The following GRK4 variants were observed in gnomAD, a reference collection of about 807,000 sequenced individuals.
GRK4 encodes the protein G protein-coupled receptor kinase 4.
A neutral mutation model predicts 77.9 loss-of-function variants in GRK4; 73 were observed. That is an observed-to-expected ratio of 0.94 (90% CI 0.78 to 1.14). The LOEUF (loss-of-function observed/expected upper bound fraction) is 1.14. GRK4 is among the 50% of genes most tolerant of loss of function. The pLI is 0.00. For missense variants in GRK4, 729 were observed against 700.2 expected, an observed-to-expected ratio of 1.04 and a Z score of -0.46; for synonymous variants, 257 against 254.4, an observed-to-expected ratio of 1.01 and a Z score of -0.10.
chr4:2,995,625 G>A (rs1484329292), intron 4 of GRK4, among the ~76,000 whole-genome samples: 1 of 150,994 alleles, frequency 6.6e-6, no homozygotes, highest in East Asian at 1.9e-4. Context: ...AGGTTGCAGT[G>A]AACCAAAATT....
intron 1 of GRK4, chr4:2,969,149 G>C (rs1425906091): frequency 6.6e-6 from 1 of 152,446 alleles, no homozygotes; most frequent in Non-Finnish European, 1.5e-5. Flanking sequence ...GGAGATCAGA[G>C]AGATGCTGAA....
In GRK4 at chr4:3,029,112, C is replaced by A. The variant is rs749257267; in HGVS notation, c.1061-89C>A. 8.1e-6 allele frequency: 8 copies of A among 988,584 alleles called. No homozygotes were observed. In the African/African-American group the frequency reaches 1.1e-4, roughly 14 times the overall value. The allele number at this position is 988,584 out of a possible 1,614,324, so 61.2% of individuals were successfully genotyped here. On this transcript the variant is annotated intron_variant, in intron 11 of 15. Coordinates refer to ENST00000398052, the MANE Select transcript of GRK4 (RefSeq NM_182982.3). ...TAAGGTTCGTCCATGTTGTCACACA[C>A]GTTGAATGTATACTGTGTTACTGGG...
chr4:3,019,593 A>G (rs761653747), intron 8 of GRK4, 48 bp from the exon 9 acceptor site: 4 of 1,455,498 alleles, frequency 2.7e-6, no homozygotes, highest in Non-Finnish European at 3.8e-6. Flanking sequence ...GAAATCACCA[A>G]TGAAAGAGCA....
intron 1 of GRK4, among the ~76,000 whole-genome samples, chr4:2,979,736 ATG>A (rs1722322875): frequency 6.6e-6 from 1 of 151,814 alleles, no homozygotes; most frequent in South Asian, 2.1e-4. Context: ...AAAAAAATCC[ATG>A]TGTGGTGGTG....
chr4:3,024,331 G>A (rs75559719), intron 10 of GRK4, among the ~76,000 whole-genome samples: 4,598 of 152,174 alleles, frequency 0.03, 89 homozygotes, highest in Middle Eastern at 0.041. Context: ...GTGCGATTGT[G>A]GCACAATTAC....
intron 1 of GRK4, among the ~76,000 whole-genome samples, chr4:2,976,251 T>A (rs753652394): frequency 1.3e-5 from 2 of 151,804 alleles, no homozygotes; most frequent in Non-Finnish European, 2.9e-5. Flanking sequence ...TTCCCTCTCT[T>A]TCACAGGCTC....
chr4:2,968,489 A>G (rs1718457175), intron 1 of GRK4, among the ~76,000 whole-genome samples: 1 of 152,192 alleles, frequency 6.6e-6, no homozygotes, highest in African/African-American at 2.4e-5. Flanking sequence ...GAATCAAAGT[A>G]AGAACCTAAC....
At chr4:3,031,787 G>T (rs1739255354) in intron 12 of GRK4, among the ~76,000 whole-genome samples, 1 of 152,136 alleles carries the variant, frequency 6.6e-6, no homozygotes, top group Admixed American at 6.5e-5. Flanking sequence ...GTGGCTGGGG[G>T]TCACTGGGGG....
Position 3,002,268 on chromosome 4 carries a change from A to G in GRK4, c.340-1963A>G, listed in dbSNP as rs114322414. Among the ~76,000 whole-genome samples the G allele has an allele frequency of 2.5e-3, 385 of 152,200 alleles. 4 individuals are homozygous for G. Among genetic ancestry groups the G allele is most frequent in the African/African-American group, 8.6e-3 (358 of 41,524 alleles). ...ACACCGGGAGACCGTGCAGTCACTCAAGAAAGTGGGGTAGCTCTATAGACG... is the reference window on the plus strand; with the variant it reads ...ACACCGGGAGACCGTGCAGTCACTCGAGAAAGTGGGGTAGCTCTATAGACG... On this transcript the variant is annotated intron_variant, in intron 4 of 15. Coordinates refer to ENST00000398052, the MANE Select transcript of GRK4 (RefSeq NM_182982.3).
At chr4:3,035,636 CT>C in intron 13 of GRK4, 113 bp downstream of exon 13, 1 of 1,253,966 alleles carries the variant, frequency 8.0e-7, no homozygotes, top group Non-Finnish European at 1.1e-6. Flanking sequence ...GTTGCCCAGG[CT>C]GGTCTTGCAC....
intron 5 of GRK4, among the ~76,000 whole-genome samples, chr4:3,005,619 A>G (rs750169561): frequency 2.0e-5 from 3 of 152,074 alleles, no homozygotes; most frequent in Non-Finnish European, 4.4e-5. Flanking sequence ...CCTGGCCCAC[A>G]TAGAGAAACC....
At chr4:3,016,146 G>C (rs536868411) in intron 8 of GRK4, among the ~76,000 whole-genome samples, 66 of 148,850 alleles carry the variant, frequency 4.4e-4, no homozygotes, top group African/African-American at 1.5e-3. Context: ...CTGACCTTGT[G>C]ATCTACCCAC....
At chr4:3,032,515 C>T (rs114976990) in intron 12 of GRK4, among the ~76,000 whole-genome samples, 148 of 152,190 alleles carry the variant, frequency 9.7e-4, no homozygotes, top group African/African-American at 3.4e-3. Flanking sequence ...CAATGGGTGT[C>T]GTAAGTGGAT....
At chr4:3,017,976 A>G (rs1734999126) in intron 8 of GRK4, among the ~76,000 whole-genome samples, 1 of 152,218 alleles carries the variant, frequency 6.6e-6, no homozygotes, top group South Asian at 2.1e-4. Context: ...TGGCCAGTGC[A>G]GTAAGGTAAA....
At chr4:3,004,796 T>C (rs1978031) in intron 5 of GRK4, among the ~76,000 whole-genome samples, 31,597 of 151,858 alleles carry the variant, frequency 0.21, 3,946 homozygotes, top group African/African-American at 0.35. Context: ...GGAGCTGGTC[T>C]TGCTGTCTCA....
intron 1 of GRK4, among the ~76,000 whole-genome samples, chr4:2,981,725 G>A (rs569246374): frequency 3.9e-4 from 60 of 152,352 alleles, no homozygotes; most frequent in Non-Finnish European, 7.1e-4. Flanking sequence ...CTGGCAGCCC[G>A]GCTGTCAGGC....
At chr4:3,025,834 C>T (rs921368002) in intron 10 of GRK4, among the ~76,000 whole-genome samples, 7 of 152,180 alleles carry the variant, frequency 4.6e-5, no homozygotes, top group African/African-American at 1.7e-4. Context: ...TATTTCATTC[C>T]TTCATTTACA....
At chr4:3,013,594 C>T in intron 7 of GRK4, 94 bp from the exon 8 acceptor site, 1 of 1,429,812 alleles carries the variant, frequency 7.0e-7, no homozygotes, top group Non-Finnish European at 9.5e-7. Context: ...CTGGTCTCTG[C>T]CAGTGAGGGT....
chr4:3,040,446 A>C, intron 15 of GRK4, 126 bp from the exon 16 acceptor site: 1 of 651,634 alleles, frequency 1.5e-6, no homozygotes, highest in Non-Finnish European at 2.5e-6. Flanking sequence ...GTCTCAAAAA[A>C]TAAATAAATA....
Sources: allele counts gnomAD v4.1 joint callset (sites outside exome capture counted in the v4.1 genomes callset), GRCh38; gene constraint gnomAD v4.1.1; transcripts MANE v1.5; gene names NCBI Gene and HGNC (gene_info 2026-07-23, HGNC 2026-07-21).